Variants in PLEKHG4B observed in about 807,000 individuals in gnomAD.
PLEKHG4B encodes pleckstrin homology and RhoGEF domain containing G4B, also known as pleckstrin homology domain-containing family G member 4B.
A neutral mutation model predicts 121.3 loss-of-function variants in PLEKHG4B; 111 were observed. The observed-to-expected ratio is 0.92, with a 90% CI of 0.78 to 1.07. PLEKHG4B has a LOEUF of 1.07. Ranked by LOEUF, PLEKHG4B falls within the 50% of genes least tolerant of loss-of-function variation. The pLI, the probability that PLEKHG4B is intolerant of heterozygous loss-of-function variation, is 0.00. For missense variants in PLEKHG4B, 1,831 were observed against 1,757.8 expected, an observed-to-expected ratio of 1.04 and a Z score of -0.74; for synonymous variants, 738 against 725.0, an observed-to-expected ratio of 1.02 and a Z score of -0.29.
chr5:114,139 G>A (rs539640203), intron 2 of PLEKHG4B, among the ~76,000 whole-genome samples: 1 of 152,274 alleles, frequency 6.6e-6, no homozygotes, highest in South Asian at 2.1e-4. Context: ...TCTCTTTATT[G>A]GTGGAAGGTC....
At chr5:107,697 G>A (rs1046321324) in intron 1 of PLEKHG4B, among the ~76,000 whole-genome samples, 2 of 152,202 alleles carry the variant, frequency 1.3e-5, no homozygotes. Context: ...CCCTGGGCTG[G>A]GGCTTGGTAG....
intron 1 of PLEKHG4B, among the ~76,000 whole-genome samples, chr5:102,637 C>G (rs1733856237): frequency 6.6e-6 from 1 of 152,214 alleles, no homozygotes; most frequent in African/African-American, 2.4e-5. Flanking sequence ...GAAGCCTCCC[C>G]AGAGGCAGAG....
chr5:146,038 A>G (rs1339403874), intron 6 of PLEKHG4B, among the ~76,000 whole-genome samples: 1 of 151,288 alleles, frequency 6.6e-6, no homozygotes, highest in African/African-American at 2.4e-5. Flanking sequence ...CTCCCCTTCC[A>G]TGGTCCTCCC....
intron 6 of PLEKHG4B, among the ~76,000 whole-genome samples, chr5:149,736 A>C (rs1281628706): frequency 6.6e-6 from 1 of 152,236 alleles, no homozygotes; most frequent in Non-Finnish European, 1.5e-5. Context: ...CATTTCTCCA[A>C]AGAAGATATA....
chr5:178,926 A>G (rs1310761863), intron 18 of PLEKHG4B, among the ~76,000 whole-genome samples: 1 of 152,226 alleles, frequency 6.6e-6, no homozygotes, highest in Non-Finnish European at 1.5e-5. Flanking sequence ...CCATAGTACA[A>G]TGAAAATGCT....
chr5:143,301 C>G (rs750472594), intron 4 of PLEKHG4B, 45 bp downstream of exon 4: 2 of 1,608,002 alleles, frequency 1.2e-6, no homozygotes, highest in Admixed American at 1.7e-5. Context: ...GATCTGACAT[C>G]TAAGCCGACA....
chr5:140,149 A>G lies in PLEKHG4B; in HGVS notation c.910A>G (p.Asn304Asp), dbSNP rs115781435. 5.4e-3 allele frequency: 3,843 copies of G among 707,596 alleles called. 129 individuals carry two copies. The African/African-American group carries it at 0.064, about 12-fold the overall frequency. 43.8% of individuals were successfully genotyped at this position (707,596 alleles called of 1,614,324 possible). Residue 304 changes from asparagine to aspartate, a missense_variant, in exon 3 of 20, where the codon AAC becomes GAC. Physicochemically the swap from Asn to Asp is conservative, Grantham distance 23. Coordinates refer to ENST00000637938, the MANE Select transcript of PLEKHG4B (RefSeq NM_052909.5). ...GCAGGGCCCACGGATGCCCCCTGAG[A>G]ACTGTGGGGGGTCGGGGGAGAGGCC... ...SEQGPRMPPE[N>D]CGGSGERPDP... is the part of the protein sequence containing the mutation.
In PLEKHG4B at chr5:171,213, G is replaced by A. The variant is rs781259071; in HGVS notation, c.3820-1G>A. ...CTGACCCTCTCACCCGGCCCTTGCA[G>A]GACAAGCAGCGGGAGCTAGGTGACA... On this transcript the variant is annotated splice_acceptor_variant, in intron 15 of 19. Coordinates refer to ENST00000637938, the MANE Select transcript of PLEKHG4B (RefSeq NM_052909.5). LOFTEE classifies it high-confidence loss of function. The A allele has an allele frequency of 2.5e-6, 4 of 1,604,478 alleles. No homozygotes were observed. The highest frequency in any genetic ancestry group is 3.4e-6 in the Non-Finnish European group (4 of 1,173,584).
rs1398571246 is a variant in PLEKHG4B at position 182,318 on chromosome 5, G to A, written c.4879G>A (p.Ala1627Thr). The A allele has an allele frequency of 8.8e-6, 14 of 1,598,616 alleles. No individual in the cohort carries two copies. Among genetic ancestry groups the A allele is most frequent in the Non-Finnish European group, 1.2e-5 (14 of 1,173,648 alleles). Residue 1627 changes from alanine (A) to threonine (T), a missense_variant, in exon 20 of 20, where the codon GCC becomes ACC. Ala to Thr is a moderately conservative substitution (Grantham distance 58). Transcript: ENST00000637938. The stretch of plus-strand genomic sequence containing the variant: ...TGTGCTGCTGAGCCGCACACGCCAG[G>A]CCTGATGACTGTCAGGGTGGCAGTG... ...PAVLLSRTRQ[A>T]
At position 99,170 on chromosome 5, in the gene PLEKHG4B, G is replaced by GTATATA. The variant is rs534174768; in HGVS notation, c.45+6932_45+6937dup. Among the ~76,000 whole-genome samples, 645 of 100,364 alleles carry GTATATA rather than the reference G, an allele frequency of 6.4e-3. 2 individuals are homozygous for GTATATA. The highest frequency in any genetic ancestry group is 7.6e-3 in the Non-Finnish European group (406 of 53,246). 65.8% of individuals were successfully genotyped at this position (100,364 alleles called of 152,430 possible). The stretch of plus-strand genomic sequence containing the variant: ...GAGTCTGTCTCAAAAAAAAAAAAGT[G>GTATATA]TATATATATATATATATATATATAT... On this transcript the variant is annotated intron_variant, in intron 1 of 19. Transcript: ENST00000637938.
chr5:105,691 C>A (rs1376993719), intron 1 of PLEKHG4B, among the ~76,000 whole-genome samples: 1 of 152,244 alleles, frequency 6.6e-6, no homozygotes, highest in African/African-American at 2.4e-5. Flanking sequence ...AGCCAGCAGA[C>A]CCTTGGAGGA....
intron 5 of PLEKHG4B, among the ~76,000 whole-genome samples, chr5:143,899 A>T (rs537131588): frequency 6.6e-6 from 1 of 152,334 alleles, no homozygotes. Context: ...ATGTCAGTTA[A>T]TCCTGGAGTT....
chr5:109,999 C>T (rs2126351027), intron 1 of PLEKHG4B, among the ~76,000 whole-genome samples: 1 of 151,060 alleles, frequency 6.6e-6, no homozygotes, highest in Non-Finnish European at 1.5e-5. Flanking sequence ...CACATGCATA[C>T]ACCCACAAAA....
intron 2 of PLEKHG4B, among the ~76,000 whole-genome samples, chr5:122,453 A>G (rs1734497578): frequency 6.6e-6 from 1 of 151,556 alleles, no homozygotes. Flanking sequence ...GGAGTCTTGC[A>G]CTGTCTCCTG....
At chr5:168,058 C>T (rs1357783172) in intron 13 of PLEKHG4B, among the ~76,000 whole-genome samples, 1 of 152,196 alleles carries the variant, frequency 6.6e-6, no homozygotes, top group African/African-American at 2.4e-5. Flanking sequence ...AGTGGATCCT[C>T]TGGGTCCTGC....
At position 155,006 on chromosome 5, in the gene PLEKHG4B, C is replaced by A. The variant is rs148481970; in HGVS notation, c.2109+15C>A. The stretch of plus-strand genomic sequence containing the variant: ...GCTTCCGTCAGGTAGGTTCAGCCTG[C>A]AGCTGCTGCACATGCGACAGTCTCT... On this transcript the variant is annotated intron_variant, in intron 8 of 19. Transcript: ENST00000637938. 468 of 1,590,178 alleles carry A rather than the reference C, an allele frequency of 2.9e-4. No individual in the cohort carries two copies. In the African/African-American group the frequency reaches 5.5e-3, roughly 19 times the overall value.
intron 1 of PLEKHG4B, among the ~76,000 whole-genome samples, chr5:110,966 C>G (rs1385900547): frequency 6.6e-6 from 1 of 152,274 alleles, no homozygotes; most frequent in South Asian, 2.1e-4. Context: ...TGTCTGCTCT[C>G]TCTCCTGGCC....
intron 18 of PLEKHG4B, among the ~76,000 whole-genome samples, chr5:177,683 C>T (rs958653578): frequency 1.3e-5 from 2 of 152,252 alleles, no homozygotes; most frequent in Non-Finnish European, 1.5e-5. Flanking sequence ...AATGAAAGCA[C>T]ACTTGGAAGA....
chr5:168,516 G>A (rs1012321392), intron 13 of PLEKHG4B, among the ~76,000 whole-genome samples: 2 of 152,158 alleles, frequency 1.3e-5, no homozygotes, highest in African/African-American at 2.4e-5. Flanking sequence ...GTTTTCTCAC[G>A]AAATTTCCAC....
Sources: gnomAD v4.1 joint callset for allele counts (sites outside exome capture counted in the v4.1 genomes callset) on GRCh38, gnomAD v4.1.1 for gene constraint, MANE v1.5 for transcripts, NCBI Gene and HGNC (gene_info 2026-07-23, HGNC 2026-07-21) for gene names.